CT45A1: variants seen among roughly 807,000 people sequenced by gnomAD.
The protein encoded by CT45A1 is cancer/testis antigen 45-1.
intron 1 of CT45A1, among the ~76,000 whole-genome samples, chrX:135,715,399 A>T (rs1466901226): frequency 2.5e-5 from 2 of 79,650 alleles, no homozygotes; most frequent in African/African-American, 9.9e-5. Context: ...ACTTATATAT[A>T]TAATACTTAT....
At chrX:135,714,835 GTT>G (rs782184985) in intron 1 of CT45A1, among the ~76,000 whole-genome samples, 3 of 86,487 alleles carry the variant, frequency 3.5e-5, no homozygotes, top group Non-Finnish European at 7.1e-5. Context: ...GCTATTTATT[GTT>G]TTTTTTTTTT....
chrX:135,712,435 T>C (rs1234656694), upstream of CT45A1, among the ~76,000 whole-genome samples: 14 of 110,042 alleles, frequency 1.3e-4, no homozygotes, highest in Non-Finnish European at 2.3e-4. Flanking sequence ...AGTGCTGGGG[T>C]ACAGGCATGA....
At chrX:135,712,981 T>C (rs868991882), upstream of CT45A1, among the ~76,000 whole-genome samples, 6 of 873 alleles carry the variant, frequency 6.9e-3, no homozygotes, top group African/African-American at 9.5e-3. Context: ...TTCTTTTCTT[T>C]CTCCTTCCTT....
chrX:135,712,929 T>TTCTTTTTTTC (rs1556570036), upstream of CT45A1, among the ~76,000 whole-genome samples: 1 of 62,927 alleles, frequency 1.6e-5, no homozygotes, highest in Non-Finnish European at 2.7e-5. Context: ...TTTTCTTTTC[T>TTCTTTTTTTC]TTTCTTTTTT....
At chrX:135,709,208 C>T (rs1223731391), upstream of CT45A1, among the ~76,000 whole-genome samples, 1 of 112,255 alleles carries the variant, frequency 8.9e-6, no homozygotes, top group Admixed American at 9.4e-5. Flanking sequence ...TCACTGCAAC[C>T]TCCACCTCCC....
At chrX:135,717,959 T>C (rs1487452093) in intron 1 of CT45A1, among the ~76,000 whole-genome samples, 1 of 112,289 alleles carries the variant, frequency 8.9e-6, no homozygotes, top group Non-Finnish European at 1.9e-5. Context: ...GATTGTTGAA[T>C]GGATAGTGGA....
upstream of CT45A1, among the ~76,000 whole-genome samples, chrX:135,713,019 T>C (rs1467486963): frequency 3.1e-4 from 25 of 80,506 alleles, no homozygotes; most frequent in South Asian, 3.7e-3. Flanking sequence ...CTCTCTTTCT[T>C]TCTTTCTTTC....
At chrX:135,712,826 G>A (rs1389800367), upstream of CT45A1, among the ~76,000 whole-genome samples, 1 of 111,344 alleles carries the variant, frequency 9.0e-6, no homozygotes, top group Admixed American at 9.5e-5. Context: ...CACAGCGCCC[G>A]TTGGGGTTGA....
chrX:135,710,876 G>A (rs1434242226), upstream of CT45A1, among the ~76,000 whole-genome samples: 1 of 111,984 alleles, frequency 8.9e-6, no homozygotes, highest in Non-Finnish European at 1.9e-5. Context: ...AGACGTCCTT[G>A]ACAGAAATTT....
upstream of CT45A1, chrX:135,710,073 G>A (rs144771597): frequency 7.9e-5 from 9 of 113,926 alleles, no homozygotes; most frequent in East Asian, 1.8e-3. Context: ...GTCACTTTTC[G>A]TTCTGTAACT....
chrX:135,716,999 A>G (rs2087992808), intron 1 of CT45A1, among the ~76,000 whole-genome samples: 1 of 110,892 alleles, frequency 9.0e-6, no homozygotes, highest in Admixed American at 9.7e-5. Flanking sequence ...TGTTTTAATT[A>G]CTCTACCTTT....
chrX:135,718,470 T>C (rs1178701161), intron 1 of CT45A1, among the ~76,000 whole-genome samples: 4 of 110,306 alleles, frequency 3.6e-5, no homozygotes. Flanking sequence ...GATTGGTTTA[T>C]ACATCTATTT....
upstream of CT45A1, among the ~76,000 whole-genome samples, chrX:135,712,302 C>T (rs111309217): frequency 1.0e-4 from 10 of 97,971 alleles, no homozygotes; most frequent in African/African-American, 3.7e-4. Context: ...TCCCAAGTAG[C>T]TGGGACCACA....
chrX:135,718,266 T>C (rs1382604124), intron 1 of CT45A1, among the ~76,000 whole-genome samples: 22 of 111,635 alleles, frequency 2.0e-4, no homozygotes, highest in Non-Finnish European at 3.9e-4. Flanking sequence ...CCATGATGTA[T>C]GTCCTTTTTA....
At chrX:135,712,937 TTTTC>T (rs56114666), upstream of CT45A1, among the ~76,000 whole-genome samples, 5 of 69,548 alleles carry the variant, frequency 7.2e-5, no homozygotes, top group African/African-American at 2.5e-4. Flanking sequence ...TCTTTTCTTT[TTTTC>T]TTTCTTTCTT....
At chrX:135,713,223 T>G (rs1264023421), upstream of CT45A1, among the ~76,000 whole-genome samples, 4 of 103,912 alleles carry the variant, frequency 3.8e-5, no homozygotes, top group East Asian at 3.0e-4. Context: ...TGTGTTTTTT[T>G]TTTTTTTGGT....
chrX:135,708,801 G>A (rs1432592969), upstream of CT45A1, among the ~76,000 whole-genome samples: 37 of 111,055 alleles, frequency 3.3e-4, no homozygotes, highest in Admixed American at 2.9e-4. Flanking sequence ...TTTTGTGTGG[G>A]AATTATTTCT....
intron 1 of CT45A1, among the ~76,000 whole-genome samples, chrX:135,717,550 A>G (rs782258388): frequency 1.3e-5 from 1 of 76,213 alleles, no homozygotes; most frequent in East Asian, 3.7e-4. Context: ...CTCCGACTCA[A>G]AAAAAAAAAT....
At position 135,716,572 on chromosome X, in the gene CT45A1, C is replaced by T. The variant is rs377537149; in HGVS notation, c.-6-2363C>T. Reference sequence around the variant, plus strand: ...AAGTAATATATATTTTATATATAACCTATACTATATACTACATAATGTATA... The same window carrying T: ...AAGTAATATATATTTTATATATAACTTATACTATATACTACATAATGTATA... On this transcript the variant is annotated intron_variant, in intron 1 of 4. Coordinates refer to ENST00000594565, the MANE Select transcript of CT45A1 (RefSeq NM_001017417.3). Among the ~76,000 whole-genome samples, 12 of 111,005 alleles carry T rather than the reference C, an allele frequency of 1.1e-4. No individual in the cohort carries two copies. The South Asian group carries it at 2.3e-3, about 21-fold the overall frequency.
Sources: gnomAD v4.1 joint callset for allele counts (sites outside exome capture counted in the v4.1 genomes callset) on GRCh38, gnomAD v4.1.1 for gene constraint, MANE v1.5 for transcripts, NCBI Gene and HGNC (gene_info 2026-07-23, HGNC 2026-07-21) for gene names.